Variants in PACRG observed in about 807,000 individuals in gnomAD.
The protein encoded by PACRG is parkin coregulated, also known as parkin coregulated gene protein.
Under a neutral mutation model 29.7 loss-of-function variants are expected in PACRG, and 29 were observed. That is an observed-to-expected ratio of 0.98 (90% CI 0.73 to 1.33). The LOEUF is 1.33. Ranked by LOEUF, PACRG falls within the 40% of genes most tolerant of loss-of-function variation. The probability of loss-of-function intolerance (pLI) is 0.00; values close to 1 mark genes in which losing one functional copy is unlikely to be tolerated. For missense variants in PACRG, 279 were observed against 316.2 expected (o/e 0.88, Z 0.89); for synonymous variants, 116 against 118.7 (o/e 0.98, Z 0.15).
intron 2 of PACRG, among the ~76,000 whole-genome samples, chr6:163,040,876 G>A (rs921577859): frequency 3.9e-5 from 6 of 152,158 alleles, no homozygotes; most frequent in African/African-American, 1.4e-4. Context: ...TGAGACTTTG[G>A]ACTTGGACTT....
At chr6:162,795,634 G>A (rs1473252521) in intron 1 of PACRG, among the ~76,000 whole-genome samples, 6 of 152,098 alleles carry the variant, frequency 3.9e-5, no homozygotes, top group South Asian at 4.1e-4. Flanking sequence ...GAAAAACCTA[G>A]TTGTATTTTT....
intron 4 of PACRG, among the ~76,000 whole-genome samples, chr6:163,123,024 G>A (rs1185981444): frequency 6.6e-6 from 1 of 152,190 alleles, no homozygotes. Context: ...GGAGCGGAGA[G>A]TTTAACAGGC....
At chr6:163,079,162 A>C (rs529636119) in intron 3 of PACRG, among the ~76,000 whole-genome samples, 30 of 152,288 alleles carry the variant, frequency 2.0e-4, no homozygotes, top group African/African-American at 7.2e-4. Flanking sequence ...GTGCCCGATC[A>C]AGAATAAATT....
intron 4 of PACRG, among the ~76,000 whole-genome samples, chr6:163,293,461 C>T (rs776724489): frequency 6.6e-6 from 1 of 152,184 alleles, no homozygotes; most frequent in Non-Finnish European, 1.5e-5. Context: ...TCTAAGTAAT[C>T]AAAGCAGCTG....
At chr6:163,068,663 A>G (rs1811768056) in intron 3 of PACRG, among the ~76,000 whole-genome samples, 1 of 151,648 alleles carries the variant, frequency 6.6e-6, no homozygotes, top group Admixed American at 6.6e-5. Context: ...TTAGTTCTTT[A>G]TCTTTTTGTT....
intron 4 of PACRG, among the ~76,000 whole-genome samples, chr6:163,160,951 C>T (rs1412855946): frequency 6.6e-6 from 1 of 152,180 alleles, no homozygotes; most frequent in South Asian, 2.1e-4. Flanking sequence ...TGCTCACAAG[C>T]ACTTTATGTG....
intron 4 of PACRG, among the ~76,000 whole-genome samples, chr6:163,281,238 G>T (rs1262338960): frequency 1.3e-5 from 2 of 152,176 alleles, no homozygotes; most frequent in Non-Finnish European, 2.9e-5. Context: ...ACGTTCAGAG[G>T]AGGCAGGGCT....
chr6:162,758,076 T>A (rs972802609), intron 1 of PACRG, among the ~76,000 whole-genome samples: 1 of 152,158 alleles, frequency 6.6e-6, no homozygotes, highest in African/African-American at 2.4e-5. Flanking sequence ...TGGTATTAAT[T>A]TTATGGATGG....
chr6:163,196,972 G>GAT (rs1168499426), intron 4 of PACRG, among the ~76,000 whole-genome samples: 4 of 147,540 alleles, frequency 2.7e-5, no homozygotes, highest in Non-Finnish European at 4.5e-5. Flanking sequence ...GATAGATAGA[G>GAT]GCGGACAGAC....
intron 2 of PACRG, among the ~76,000 whole-genome samples, chr6:162,917,939 C>G (rs1357827131): frequency 6.6e-6 from 1 of 152,166 alleles, no homozygotes; most frequent in Non-Finnish European, 1.5e-5. Context: ...ATTCTGTGAA[C>G]AGCAAATGTG....
At chr6:163,228,592 T>G (rs1481945145) in intron 4 of PACRG, among the ~76,000 whole-genome samples, 5 of 152,146 alleles carry the variant, frequency 3.3e-5, no homozygotes. Flanking sequence ...GAATTCCTTT[T>G]TATGGAAAAA....
chr6:162,747,954 T>C (rs1781212720), intron 1 of PACRG, among the ~76,000 whole-genome samples: 1 of 152,174 alleles, frequency 6.6e-6, no homozygotes, highest in Non-Finnish European at 1.5e-5. Context: ...GTGCAGATGA[T>C]AAGTGGGCTA....
intron 3 of PACRG, among the ~76,000 whole-genome samples, chr6:163,073,320 G>T (rs1407281556): frequency 1.3e-5 from 2 of 152,094 alleles, no homozygotes; most frequent in Non-Finnish European, 2.9e-5. Flanking sequence ...AAGGTGCCAA[G>T]AACATACACT....
intron 2 of PACRG, chr6:163,042,530 T>C (rs1808838285): frequency 6.6e-6 from 1 of 152,212 alleles, no homozygotes; most frequent in African/African-American, 2.4e-5. Flanking sequence ...CAGTCTTTCT[T>C]ATGGCAAATA....
At chr6:162,819,662 T>C (rs925496077) in intron 2 of PACRG, among the ~76,000 whole-genome samples, 16 of 152,212 alleles carry the variant, frequency 1.1e-4, no homozygotes, top group African/African-American at 3.9e-4. Context: ...ACAGGGCAGG[T>C]GCCCAGGGAT....
chr6:162,844,520 G>A (rs546693912), intron 2 of PACRG, among the ~76,000 whole-genome samples: 6 of 152,312 alleles, frequency 3.9e-5, no homozygotes, highest in Admixed American at 6.5e-5. Flanking sequence ...AGATGAACCC[G>A]GTACCTCCGA....
chr6:162,728,523 G>C, intron 1 of PACRG, 132 bp downstream of exon 1: 1 of 1,102,286 alleles, frequency 9.1e-7, no homozygotes, highest in Non-Finnish European at 1.3e-6. Flanking sequence ...CAGTTACTTG[G>C]CAAGTAGCAA....
chr6:162,769,532 C>T (rs998774542), intron 1 of PACRG, among the ~76,000 whole-genome samples: 5 of 151,836 alleles, frequency 3.3e-5, no homozygotes, highest in African/African-American at 7.3e-5. Context: ...TTTTGTGCCT[C>T]GTCTATAGGG....
rs1694887463 is a variant in PACRG at position 162,955,406 on chromosome 6, TCTC to T, written c.292-106741_292-106739del. Among the ~76,000 whole-genome samples, 3 of 152,186 alleles carry T rather than the reference TCTC, an allele frequency of 2.0e-5. 1 individual carries two copies. The highest frequency in any genetic ancestry group is 2.0e-4 in the Admixed American group (3 of 15,294). ...GCTCTGCCTCCCGGGTTCAAGCAAT[TCTC>T]CTGCCTCAGCCTCCCGAGTAGCTGG... On this transcript the variant is annotated intron_variant, in intron 2 of 4. Transcript: ENST00000366888.
Sources: allele counts gnomAD v4.1 joint callset (sites outside exome capture counted in the v4.1 genomes callset), GRCh38; gene constraint gnomAD v4.1.1; transcripts MANE v1.5; gene names NCBI Gene and HGNC (gene_info 2026-07-23, HGNC 2026-07-21).